The following DYM variants were observed in gnomAD, a reference collection of about 807,000 sequenced individuals.
DYM encodes dyggve-Melchior-Clausen syndrome protein.
DYM carries 78 observed loss-of-function variants against 93.1 expected under a neutral mutation model. The observed-to-expected ratio is 0.84, with a 90% CI of 0.70 to 1.01. DYM has a LOEUF of 1.01. Ranked by LOEUF, DYM falls within the 50% of genes least tolerant of loss-of-function variation. The pLI, the probability that DYM is intolerant of heterozygous loss-of-function variation, is 0.00. For missense variants in DYM, 789 were observed against 845.0 expected (o/e 0.93, Z 0.82); for synonymous variants, 321 against 319.7 (o/e 1.00, Z -0.04).
intron 17 of DYM, among the ~76,000 whole-genome samples, chr18:49,061,763 C>T (rs1457342952): frequency 2.0e-5 from 3 of 152,160 alleles, no homozygotes; most frequent in Non-Finnish European, 2.9e-5. Context: ...GCTGCCTCTC[C>T]CCAGAAAGGG....
intron 2 of DYM, among the ~76,000 whole-genome samples, chr18:49,415,321 C>T (rs868757453): frequency 3.4e-5 from 3 of 87,098 alleles, no homozygotes; most frequent in Non-Finnish European, 6.1e-5. Flanking sequence ...CTGGGTCTCT[C>T]AAAAAAAAAA....
At chr18:49,458,495 T>C (rs2083189504) in intron 1 of DYM, among the ~76,000 whole-genome samples, 1 of 152,182 alleles carries the variant, frequency 6.6e-6, no homozygotes, top group Non-Finnish European at 1.5e-5. Flanking sequence ...TCTTTCTAGA[T>C]ATTAAAAACT....
intron 1 of DYM, among the ~76,000 whole-genome samples, chr18:49,445,985 T>C (rs1367763492): frequency 6.6e-6 from 1 of 152,150 alleles, no homozygotes; most frequent in Non-Finnish European, 1.5e-5. Context: ...GAAGTGCTTT[T>C]AGAAATAGGG....
chr18:49,199,948 C>T (rs2145864264), intron 14 of DYM, among the ~76,000 whole-genome samples: 1 of 151,256 alleles, frequency 6.6e-6, no homozygotes, highest in East Asian at 1.9e-4. Flanking sequence ...TTTCATATTA[C>T]ACGTACTTAG....
At chr18:49,444,126 T>C (rs370313167) in intron 1 of DYM, among the ~76,000 whole-genome samples, 1 of 152,228 alleles carries the variant, frequency 6.6e-6, no homozygotes, top group Non-Finnish European at 1.5e-5. Flanking sequence ...TTAAAGCTTA[T>C]GGCTATTAAT....
chr18:49,284,431 A>G (rs913013826), intron 9 of DYM, among the ~76,000 whole-genome samples: 6 of 152,206 alleles, frequency 3.9e-5, no homozygotes, highest in Non-Finnish European at 8.8e-5. Context: ...AACCATGACC[A>G]TCCCAAGCAA....
intron 16 of DYM, among the ~76,000 whole-genome samples, chr18:49,099,609 T>TA (rs2079919232): frequency 6.6e-6 from 1 of 152,136 alleles, no homozygotes; most frequent in African/African-American, 2.4e-5. Context: ...TCAATTAGAT[T>TA]AAAAAAACCA....
chr18:49,432,830 T>C (rs1483814860), intron 1 of DYM, among the ~76,000 whole-genome samples: 1 of 152,076 alleles, frequency 6.6e-6, no homozygotes, highest in Admixed American at 6.6e-5. Flanking sequence ...CCCAGGCTGG[T>C]CTCGAACTCT....
intron 13 of DYM, among the ~76,000 whole-genome samples, chr18:49,238,034 T>C (rs771646144): frequency 6.6e-6 from 1 of 152,134 alleles, no homozygotes; most frequent in Non-Finnish European, 1.5e-5. Flanking sequence ...AACTAGTACA[T>C]TGTCATTTTG....
chr18:49,227,725 C>T (rs188265186), intron 13 of DYM, among the ~76,000 whole-genome samples: 65 of 152,220 alleles, frequency 4.3e-4, no homozygotes, highest in Admixed American at 9.8e-4. Context: ...TGATCTTGGT[C>T]TCACCAGTCC....
intron 8 of DYM, among the ~76,000 whole-genome samples, chr18:49,309,444 G>A (rs1469065959): frequency 6.6e-6 from 1 of 152,102 alleles, no homozygotes; most frequent in Non-Finnish European, 1.5e-5. Context: ...AGACCAGCCT[G>A]GGCAACACAG....
chr18:49,446,855 T>C (rs781360781), intron 1 of DYM, among the ~76,000 whole-genome samples: 1 of 151,996 alleles, frequency 6.6e-6, no homozygotes, highest in Non-Finnish European at 1.5e-5. Flanking sequence ...GGTCAGGAGT[T>C]CGAGACCAAC....
At position 49,317,680 on chromosome 18, in the gene DYM, CCTTCCTTCCTTT is replaced by C. The variant is rs1423557900; in HGVS notation, c.763+14172_763+14183del. 3.0e-3 allele frequency among the ~76,000 whole-genome samples: 390 copies of C among 128,988 alleles called. 12 individuals are homozygous for C. Among genetic ancestry groups the C allele is most frequent in the Admixed American group, 0.015 (188 of 12,334 alleles). The allele number at this position is 128,988 out of a possible 152,430, so 84.6% of individuals were successfully genotyped here. ...TCCTTCCTTCCTTCCTTCCTTCCTT[CCTTCCTTCCTTT>C]CTTTCTTTCTTTCAAGCAATTCTCG... On this transcript the variant is annotated intron_variant, in intron 8 of 17. Coordinates refer to ENST00000675505, the MANE Select transcript of DYM (RefSeq NM_001353214.3).
chr18:49,325,242 A>C (rs912973748), intron 8 of DYM, among the ~76,000 whole-genome samples: 1 of 152,194 alleles, frequency 6.6e-6, no homozygotes, highest in African/African-American at 2.4e-5. Flanking sequence ...ATTAACTCTA[A>C]AGTCTGCTGC....
chr18:49,359,719 C>G (rs2065861465), intron 6 of DYM: 3 of 152,174 alleles, frequency 2.0e-5, no homozygotes, highest in Admixed American at 2.0e-4. Flanking sequence ...CCTCAGTGGC[C>G]ATTAAAATTC....
At chr18:49,428,173 C>G (rs1235142406) in intron 2 of DYM, among the ~76,000 whole-genome samples, 1 of 151,060 alleles carries the variant, frequency 6.6e-6, no homozygotes, top group Non-Finnish European at 1.5e-5. Context: ...AGAAGCCAGT[C>G]ACGGCGGGGC....
intron 11 of DYM, 114 bp from the exon 12 acceptor site, chr18:49,258,607 A>C: frequency 1.4e-6 from 1 of 726,022 alleles, no homozygotes; most frequent in Non-Finnish European, 2.4e-6. Context: ...TGAGTTAAGC[A>C]GCACAGACAG....
At position 49,271,964 on chromosome 18, in the gene DYM, C is replaced by T. The variant is rs566582940; in HGVS notation, c.1251+214G>A. Among the ~76,000 whole-genome samples, 4 of 146,898 alleles carry T rather than the reference C, an allele frequency of 2.7e-5. No individual in the cohort carries two copies. The South Asian group carries it at 8.6e-4, about 32-fold the overall frequency. Reference sequence around the variant, plus strand: ...AGCATTTGTATCAATTACCAAAGAACCATTTTGAGAGAGTTTTTAATAGTG... The same window carrying T: ...AGCATTTGTATCAATTACCAAAGAATCATTTTGAGAGAGTTTTTAATAGTG... On this transcript the variant is annotated intron_variant, in intron 11 of 17. Transcript: ENST00000675505.
At chr18:49,101,656 T>G (rs1468729135) in intron 16 of DYM, among the ~76,000 whole-genome samples, 1 of 152,172 alleles carries the variant, frequency 6.6e-6, no homozygotes, top group African/African-American at 2.4e-5. Flanking sequence ...TATTTTATTT[T>G]ATTTTTATTT....
Sources: gnomAD v4.1 joint callset for allele counts (sites outside exome capture counted in the v4.1 genomes callset) on GRCh38, gnomAD v4.1.1 for gene constraint, MANE v1.5 for transcripts, NCBI Gene and HGNC (gene_info 2026-07-23, HGNC 2026-07-21) for gene names.